The following AGAP1 variants were observed in gnomAD, a reference collection of about 807,000 sequenced individuals.
AGAP1 encodes the protein ArfGAP with GTPase domain, ankyrin repeat and PH domain 1.
A neutral mutation model predicts 105.3 loss-of-function variants in AGAP1; 29 were observed. The observed-to-expected ratio is 0.28, with a 90% CI of 0.21 to 0.38. The LOEUF is 0.38. Among genes scored for constraint, AGAP1 ranks in the 10% least tolerant of loss-of-function variants. AGAP1 has a pLI of 1.00. For missense variants in AGAP1, 998 were observed against 1,165.1 expected, an observed-to-expected ratio of 0.86 and a Z score of 2.09; for synonymous variants, 509 against 485.9, an observed-to-expected ratio of 1.05 and a Z score of -0.63.
At position 235,731,428 on chromosome 2, in the gene AGAP1, G is replaced by A. The variant is rs145929202; in HGVS notation, c.311-9535G>A. On this transcript the variant is annotated intron_variant, in intron 3 of 17. Coordinates refer to ENST00000304032, the MANE Select transcript of AGAP1 (RefSeq NM_001037131.3). ...CATTTGAGAAGCACTTGTCCAAGAC[G>A]TGCTATTTTATAGGCTATTTTGATG... Among the ~76,000 whole-genome samples, 793 of 152,254 alleles carry A rather than the reference G, an allele frequency of 5.2e-3. 17 individuals are homozygous for A. Among genetic ancestry groups the A allele is most frequent in the Admixed American group, 0.045 (685 of 15,292 alleles).
rs2058340549 is a variant in AGAP1, at chr2:236,066,183, A to G, written c.2114+16902A>G. 2.6e-5 allele frequency among the ~76,000 whole-genome samples: 4 copies of G among 152,244 alleles called. 1 individual carries two copies. In the South Asian group the frequency reaches 8.3e-4, roughly 32 times the overall value. ...CAGGAAGCCCTGATTTGCAGGCTGC[A>G]GTGAATGCACAAATTACTAGAATTT... On this transcript the variant is annotated intron_variant, in intron 16 of 17. Transcript: ENST00000304032.
intron 9 of AGAP1, among the ~76,000 whole-genome samples, chr2:235,833,242 C>T (rs1559541311): frequency 2.6e-5 from 4 of 152,168 alleles, no homozygotes; most frequent in South Asian, 2.1e-4. Context: ...GCCAGGGCCA[C>T]GACAGAGGCT....
rs1387009436 is a variant in AGAP1, at chr2:235,957,514, A to T, written c.1484-10948A>T. 6.6e-6 allele frequency among the ~76,000 whole-genome samples: 1 copy of T among 152,220 alleles called. No homozygotes were observed. Among genetic ancestry groups the T allele is most frequent in the Non-Finnish European group, 1.5e-5 (1 of 68,046 alleles). On this transcript the variant is annotated intron_variant, in intron 12 of 17. Transcript: ENST00000304032. This position sits in a 1 kb window ranked among gnomAD's most constrained non-coding sequence, Gnocchi z 4.6. ...GAGCGGCAAAGGGAAAGGGACAATA[A>T]TGCCAGTCTCTGAAACATCTTCAGA... is the stretch of plus-strand genomic sequence containing the variant.
At chr2:235,849,272 A>G (rs1961872529) in intron 9 of AGAP1, among the ~76,000 whole-genome samples, 1 of 152,230 alleles carries the variant, frequency 6.6e-6, no homozygotes, top group African/African-American at 2.4e-5. Flanking sequence ...AGGATTTAGA[A>G]TATAATTTCC....
intron 1 of AGAP1, among the ~76,000 whole-genome samples, chr2:235,522,637 G>C (rs953075598): frequency 6.6e-6 from 1 of 152,098 alleles, no homozygotes; most frequent in African/African-American, 2.4e-5. Context: ...TTGCAGGGAC[G>C]GGGTGATGCC....
intron 5 of AGAP1, among the ~76,000 whole-genome samples, chr2:235,749,995 T>G (rs1158325444): frequency 6.6e-6 from 1 of 152,066 alleles, no homozygotes; most frequent in Non-Finnish European, 1.5e-5. Flanking sequence ...GGGAGTATGC[T>G]TAGCCACCTG....
At chr2:236,008,728 T>C (rs546841461) in intron 13 of AGAP1, among the ~76,000 whole-genome samples, 57 of 152,336 alleles carry the variant, frequency 3.7e-4, no homozygotes, top group Non-Finnish European at 6.6e-4. Context: ...TAGCCCACTA[T>C]GTAGAACGCC....
Position 235,976,640 on chromosome 2 carries a change from T to C in AGAP1, c.1645+8017T>C, listed in dbSNP as rs907136215. Among the ~76,000 whole-genome samples the C allele has an allele frequency of 6.6e-5, 10 of 152,202 alleles. No homozygotes were observed. The highest frequency in any genetic ancestry group is 1.3e-4 in the Non-Finnish European group (9 of 68,036). ...TACTGCACGCAAGAGTTTTGTCTGA[T>C]GCTGGATGGGACATCAACTGAAGCG... is the stretch of plus-strand genomic sequence containing the variant. On this transcript the variant is annotated intron_variant, in intron 13 of 17. Coordinates refer to ENST00000304032, the MANE Select transcript of AGAP1 (RefSeq NM_001037131.3). The surrounding 1 kb of genome is among the most constrained non-coding windows in gnomAD (Gnocchi z 4.5).
Position 235,964,313 on chromosome 2 carries a change from C to T in AGAP1, c.1484-4149C>T, listed in dbSNP as rs910639967. Among the ~76,000 whole-genome samples the T allele has an allele frequency of 6.6e-6, 1 of 152,026 alleles. No homozygotes were observed. The highest frequency in any genetic ancestry group is 1.5e-5 in the Non-Finnish European group (1 of 68,032). ...TTACTTAATAGCGGCCCCTGGCAGC[C>T]GAGGAGAGTTGCGTTTGCCTGTTCT... On this transcript the variant is annotated intron_variant, in intron 12 of 17. Transcript: ENST00000304032. This position sits in a 1 kb window ranked among gnomAD's most constrained non-coding sequence, Gnocchi z 4.6.
chr2:236,004,159 C>G (rs2056235083), intron 13 of AGAP1, among the ~76,000 whole-genome samples: 1 of 152,180 alleles, frequency 6.6e-6, no homozygotes, highest in Admixed American at 6.5e-5. Flanking sequence ...GAAAGATGCT[C>G]ATTTTGTCTC....
Position 235,622,447 on chromosome 2 carries a change from C to T in AGAP1, c.164-86732C>T, listed in dbSNP as rs1946514774. On this transcript the variant is annotated intron_variant, in intron 1 of 17. Coordinates refer to ENST00000304032, the MANE Select transcript of AGAP1 (RefSeq NM_001037131.3). The surrounding 1 kb of genome is among the most constrained non-coding windows in gnomAD (Gnocchi z 5.0). ...ACTGGGGTGATGAATGGATCTAGAC[C>T]TGGTGCCTGGACTCAATCTGCAGAG... Among the ~76,000 whole-genome samples, 8 of 152,300 alleles carry T rather than the reference C, an allele frequency of 5.3e-5. No individual in the cohort carries two copies. In the South Asian group the frequency reaches 1.7e-3, roughly 32 times the overall value.
intron 16 of AGAP1, among the ~76,000 whole-genome samples, chr2:236,060,256 AAAT>A (rs1559236167): frequency 1.3e-5 from 2 of 152,372 alleles, no homozygotes; most frequent in East Asian, 3.9e-4. Context: ...ATAAAAGAAA[AAAT>A]AGATAAATTG....
In AGAP1 at chr2:235,586,076, A is replaced by G. The variant is rs1945099243; in HGVS notation, c.163+91227A>G. 6.6e-6 allele frequency among the ~76,000 whole-genome samples: 1 copy of G among 152,138 alleles called. No homozygotes were observed. The highest frequency in any genetic ancestry group is 2.4e-5 in the African/African-American group (1 of 41,426). On this transcript the variant is annotated intron_variant, in intron 1 of 17. Coordinates refer to ENST00000304032, the MANE Select transcript of AGAP1 (RefSeq NM_001037131.3). The surrounding 1 kb of genome is among the most constrained non-coding windows in gnomAD (Gnocchi z 4.2). Reference sequence around the variant, plus strand: ...AGGGGATTTAGGAGCTTCATGAGCGAGTCAAATGCAAGTTGGGGAAGTGGC... The same window carrying G: ...AGGGGATTTAGGAGCTTCATGAGCGGGTCAAATGCAAGTTGGGGAAGTGGC...
chr2:235,832,125 TTC>T, intron 9 of AGAP1, among the ~76,000 whole-genome samples: 1 of 152,374 alleles, frequency 6.6e-6, no homozygotes, highest in Admixed American at 6.5e-5. Flanking sequence ...GAGGTTTCTG[TTC>T]AGATCTTCTG....
chr2:235,661,306 A>G (rs1947940888), intron 1 of AGAP1, among the ~76,000 whole-genome samples: 2 of 151,894 alleles, frequency 1.3e-5, no homozygotes, highest in African/African-American at 4.8e-5. Context: ...GTTAAGTGGG[A>G]CGTAATCGAG....
rs1365455537 is a variant in AGAP1 at position 236,127,848 on chromosome 2, C to T, written c.*3726C>T. 2 of 152,244 alleles carry T rather than the reference C, an allele frequency of 1.3e-5. No individual in the cohort carries two copies. The highest frequency in any genetic ancestry group is 1.3e-4 in the Admixed American group (2 of 15,290). 9.4% of individuals were successfully genotyped at this position (152,244 alleles called of 1,614,324 possible). ...CTAGGCAAGCACCCAGCTTCCTGGG[C>T]TCTTTTTCCTCATCTGTGAAACTTG... On this transcript the variant is annotated 3_prime_UTR_variant, in exon 18 of 18. Transcript: ENST00000304032. This position sits in a 1 kb window ranked among gnomAD's most constrained non-coding sequence, Gnocchi z 6.6.
intron 10 of AGAP1, among the ~76,000 whole-genome samples, chr2:235,894,438 T>C (rs899875927): frequency 6.6e-6 from 1 of 152,208 alleles, no homozygotes; most frequent in African/African-American, 2.4e-5. Context: ...GTGGTGTGAA[T>C]GTCACCCCAA....
rs765880203 is a variant in AGAP1 at position 235,709,218 on chromosome 2, C to A, written c.203C>A (p.Ser68Tyr). 3.1e-6 allele frequency: 5 copies of A among 1,614,032 alleles called. No homozygotes were observed. In the African/African-American group the frequency reaches 6.7e-5, roughly 22 times the overall value. Residue 68 changes from serine (S) to tyrosine (Y), a missense_variant, in exon 2 of 18, where the codon TCT becomes TAT. By Grantham distance (144) the Ser-to-Tyr change is moderately radical. This residue lies in a region of AGAP1 where 735 missense variants were observed against 833.4 expected (regional missense o/e 0.88). Transcript: ENST00000304032. ...VNSQEWTLSR[S>Y]VPELKVGIVG... ...AGCCAGGAATGGACGCTGAGTCGATCTGTCCCGGAGCTCAAAGTGGTGAGT... is the reference window on the plus strand; with the variant it reads ...AGCCAGGAATGGACGCTGAGTCGATATGTCCCGGAGCTCAAAGTGGTGAGT...
chr2:235,729,143 C>CTGGGG lies in AGAP1; in HGVS notation c.310+11499_310+11500insTGGGG, dbSNP rs1951807418. 2.0e-5 allele frequency among the ~76,000 whole-genome samples: 3 copies of CTGGGG among 152,158 alleles called. No individual in the cohort carries two copies. Among genetic ancestry groups the CTGGGG allele is most frequent in the African/African-American group, 7.2e-5 (3 of 41,404 alleles). On this transcript the variant is annotated intron_variant, in intron 3 of 17. Coordinates refer to ENST00000304032, the MANE Select transcript of AGAP1 (RefSeq NM_001037131.3). This position sits in a 1 kb window ranked among gnomAD's most constrained non-coding sequence, Gnocchi z 5.0. ...AGGACAGATAGGGGAATCCCCAGGC[C>CTGGGG]ACCTCTGGACCTTGACATTGACTAA... is the stretch of plus-strand genomic sequence containing the variant.
Sources: gnomAD v4.1 joint callset for allele counts (sites outside exome capture counted in the v4.1 genomes callset) on GRCh38, gnomAD v4.1.1 for gene constraint, gnomAD v4.1.1 regional missense constraint, Gnocchi (gnomAD v3.1) non-coding constraint, MANE v1.5 for transcripts, NCBI Gene and HGNC (gene_info 2026-07-23, HGNC 2026-07-21) for gene names.